Variants in SPTLC3 observed in about 807,000 individuals in gnomAD.
SPTLC3 encodes the protein serine palmitoyltransferase long chain base subunit 3.
In SPTLC3, 36 loss-of-function variants were observed where a neutral mutation model predicts 59.3. That is an observed-to-expected ratio of 0.61 (90% CI 0.47 to 0.80). The LOEUF (loss-of-function observed/expected upper bound fraction) is 0.80. SPTLC3 is among the 30% of genes least tolerant of loss of function. SPTLC3 has a pLI of 0.00. For synonymous variants in SPTLC3, 257 were observed against 240.8 expected (o/e 1.07, Z -0.62); for missense variants, 625 against 685.1 (o/e 0.91, Z 0.98).
intron 11 of SPTLC3, among the ~76,000 whole-genome samples, 181 bp downstream of exon 11, chr20:13,160,313 C>G (rs892293317): frequency 6.6e-6 from 1 of 152,224 alleles, no homozygotes; most frequent in African/African-American, 2.4e-5. Context: ...TGTGACCACT[C>G]AGTAGATAGA....
chr20:13,152,162 C>T (rs1445076482), intron 9 of SPTLC3, among the ~76,000 whole-genome samples: 1 of 152,042 alleles, frequency 6.6e-6, no homozygotes, highest in Non-Finnish European at 1.5e-5. Context: ...GGCCACCTAC[C>T]AACTATGTAA....
chr20:13,013,443 G>A (rs1209633914), intron 1 of SPTLC3, among the ~76,000 whole-genome samples: 2 of 152,166 alleles, frequency 1.3e-5, no homozygotes, highest in Non-Finnish European at 1.5e-5. Flanking sequence ...CAATTACTAG[G>A]AGAATTCATA....
At chr20:13,160,296 C>T (rs1444658719) in intron 11 of SPTLC3, among the ~76,000 whole-genome samples, 164 bp downstream of exon 11, 1 of 152,148 alleles carries the variant, frequency 6.6e-6, no homozygotes, top group African/African-American at 2.4e-5. Flanking sequence ...TCAACAACAG[C>T]CAACACTGTG....
chr20:13,104,407 C>T (rs536617836), intron 6 of SPTLC3, among the ~76,000 whole-genome samples: 21 of 152,280 alleles, frequency 1.4e-4, no homozygotes, highest in African/African-American at 5.1e-4. Flanking sequence ...AGGTTTTCCC[C>T]TTTCACTTGG....
At chr20:13,160,908 C>T (rs956716837) in intron 11 of SPTLC3, among the ~76,000 whole-genome samples, 1 of 152,106 alleles carries the variant, frequency 6.6e-6, no homozygotes, top group Non-Finnish European at 1.5e-5. Context: ...GGCTTTTGAG[C>T]CAGGCCTTTT....
intron 4 of SPTLC3, among the ~76,000 whole-genome samples, chr20:13,088,769 C>T (rs992001117): frequency 1.3e-5 from 2 of 149,732 alleles, no homozygotes; most frequent in Non-Finnish European, 3.0e-5. Flanking sequence ...TAGGCACCCG[C>T]CACTGCACCC....
chr20:13,117,789 C>A, intron 8 of SPTLC3, 64 bp downstream of exon 8: 2 of 1,427,514 alleles, frequency 1.4e-6, no homozygotes, highest in South Asian at 1.3e-5. Flanking sequence ...GTGTGTAGGG[C>A]TTCTCTGAAT....
At chr20:13,030,375 C>G (rs1422745866) in intron 1 of SPTLC3, among the ~76,000 whole-genome samples, 1 of 152,210 alleles carries the variant, frequency 6.6e-6, no homozygotes, top group African/African-American at 2.4e-5. Flanking sequence ...TTTAAAATGA[C>G]TAACCACAAA....
chr20:13,102,137 C>T (rs760914146), intron 6 of SPTLC3, among the ~76,000 whole-genome samples: 1 of 152,104 alleles, frequency 6.6e-6, no homozygotes, highest in Non-Finnish European at 1.5e-5. Flanking sequence ...AACAAGGGCT[C>T]GAGAGGTTGT....
chr20:13,077,124 C>CA (rs1988675439), intron 4 of SPTLC3, among the ~76,000 whole-genome samples: 1 of 151,624 alleles, frequency 6.6e-6, no homozygotes, highest in South Asian at 2.1e-4. Flanking sequence ...CAGCAAAGAA[C>CA]AAAAAAATGA....
chr20:13,032,971 C>G (rs771379350), intron 1 of SPTLC3, among the ~76,000 whole-genome samples: 1 of 152,190 alleles, frequency 6.6e-6, no homozygotes, highest in Non-Finnish European at 1.5e-5. Context: ...TAACTTATCA[C>G]TCTCTTTGAC....
intron 2 of SPTLC3, among the ~76,000 whole-genome samples, chr20:13,055,333 T>C (rs1987675627): frequency 6.6e-6 from 1 of 151,966 alleles, no homozygotes; most frequent in Non-Finnish European, 1.5e-5. Context: ...CTAGTAGAGC[T>C]GACAATGTAA....
Position 13,146,679 on chromosome 20 carries a change from C to T in SPTLC3, c.1280-7324C>T, listed in dbSNP as rs140840202. On this transcript the variant is annotated intron_variant, in intron 9 of 11. Transcript: ENST00000399002. Reference sequence around the variant, plus strand: ...TATATATTATTTGATATCTGCCTTGCCTCCTGTTAGATCATTTGTTCCAAA... The same window carrying T: ...TATATATTATTTGATATCTGCCTTGTCTCCTGTTAGATCATTTGTTCCAAA... Among the ~76,000 whole-genome samples the T allele has an allele frequency of 6.2e-4, 95 of 152,276 alleles. 1 individual carries two copies. Among genetic ancestry groups the T allele is most frequent in the Middle Eastern group, 3.4e-3 (1 of 294 alleles).
intron 9 of SPTLC3, among the ~76,000 whole-genome samples, chr20:13,135,331 T>C (rs2038217205): frequency 6.6e-6 from 1 of 152,172 alleles, no homozygotes; most frequent in Non-Finnish European, 1.5e-5. Flanking sequence ...GTCTCTCCTA[T>C]AATTATGTGG....
intron 6 of SPTLC3, among the ~76,000 whole-genome samples, chr20:13,104,632 ACCT>A (rs1989771810): frequency 6.6e-6 from 1 of 152,012 alleles, no homozygotes. Context: ...ACCAAAAGAA[ACCT>A]CCTTAGTGAG....
chr20:13,093,197 G>A (rs192378505), intron 5 of SPTLC3, among the ~76,000 whole-genome samples: 1 of 152,236 alleles, frequency 6.6e-6, no homozygotes, highest in African/African-American at 2.4e-5. Context: ...AACACTTTAG[G>A]CTCTACCTGG....
intron 6 of SPTLC3, among the ~76,000 whole-genome samples, chr20:13,104,355 C>A (rs2122665955): frequency 6.6e-6 from 1 of 152,186 alleles, no homozygotes; most frequent in African/African-American, 2.4e-5. Flanking sequence ...ATACTGTTCT[C>A]GTGGTAGTGA....
intron 10 of SPTLC3, 110 bp from the exon 11 acceptor site, chr20:13,159,893 G>C (rs959213757): frequency 9.5e-6 from 13 of 1,365,552 alleles, no homozygotes; most frequent in Non-Finnish European, 1.1e-5. Flanking sequence ...TCATAAAAAA[G>C]AAAAAAGAAA....
intron 2 of SPTLC3, among the ~76,000 whole-genome samples, chr20:13,052,977 T>C (rs1354263566): frequency 1.3e-5 from 2 of 152,164 alleles, no homozygotes; most frequent in Non-Finnish European, 2.9e-5. Flanking sequence ...TTCAGCAGAC[T>C]TAAACGTTCT....
Sources: gnomAD v4.1 joint callset for allele counts (sites outside exome capture counted in the v4.1 genomes callset) on GRCh38, gnomAD v4.1.1 for gene constraint, MANE v1.5 for transcripts, NCBI Gene and HGNC (gene_info 2026-07-23, HGNC 2026-07-21) for gene names.